INCENP: variants seen among roughly 807,000 people sequenced by gnomAD.
INCENP encodes inner centromere protein, also known as binds and activates aurora-B and -C in vivo and in vitro.
INCENP carries 43 observed loss-of-function variants against 107.3 expected under a neutral mutation model. The ratio of observed to expected loss-of-function variants is 0.40; its 90% CI spans 0.31 to 0.52. The LOEUF (loss-of-function observed/expected upper bound fraction) is 0.52, where lower values mean the gene tolerates loss of function less well. Among genes scored for constraint, INCENP ranks in the 20% least tolerant of loss-of-function variants. The pLI is 0.53. For missense variants in INCENP, 1,089 were observed against 1,250.9 expected, an observed-to-expected ratio of 0.87 and a Z score of 1.95; for synonymous variants, 488 against 494.4, an observed-to-expected ratio of 0.99 and a Z score of 0.17.
chr11:62,132,860 A>T (rs960524514), intron 4 of INCENP, among the ~76,000 whole-genome samples: 1 of 150,238 alleles, frequency 6.7e-6, no homozygotes, highest in African/African-American at 2.5e-5. Flanking sequence ...AGTCACACAG[A>T]CCCTGGGTGA....
In INCENP at chr11:62,145,166, C is replaced by T; in HGVS notation, c.1716-3C>T. On this transcript the variant is annotated splice_region_variant and splice_polypyrimidine_tract_variant and intron_variant, in intron 12 of 18. Coordinates refer to ENST00000394818, the MANE Select transcript of INCENP (RefSeq NM_001040694.2). ...CTCCCCATGACTATCCTATGCCCCGCAGGAAGCGTGAGGAACGCCTCCGCA... is the reference window on the plus strand; with the variant it reads ...CTCCCCATGACTATCCTATGCCCCGTAGGAAGCGTGAGGAACGCCTCCGCA... 6.2e-7 allele frequency: 1 copy of T among 1,614,168 alleles called. No homozygotes were observed. Among genetic ancestry groups the T allele is most frequent in the Non-Finnish European group, 8.5e-7 (1 of 1,180,036 alleles).
intron 4 of INCENP, among the ~76,000 whole-genome samples, chr11:62,132,264 C>T (rs1411653063): frequency 5.3e-5 from 8 of 152,216 alleles, no homozygotes; most frequent in African/African-American, 1.9e-4. Context: ...GTCTGTAAAT[C>T]GGGAAGCTGG....
intron 1 of INCENP, 83 bp from the exon 2 acceptor site, chr11:62,128,068 C>T (rs1943794621): frequency 3.6e-6 from 5 of 1,394,232 alleles, no homozygotes; most frequent in Non-Finnish European, 5.0e-6. Context: ...GGTTGTGGGT[C>T]AGGTGGGTAT....
intron 3 of INCENP, among the ~76,000 whole-genome samples, chr11:62,129,569 G>A (rs531601936): frequency 1.4e-4 from 21 of 152,332 alleles, no homozygotes; most frequent in African/African-American, 5.1e-4. Context: ...GCGGACTGTG[G>A]CATGATCCCC....
In INCENP at chr11:62,137,892, A is replaced by G. The variant is rs763397538; in HGVS notation, c.1115+9A>G. 3.4e-5 allele frequency: 55 copies of G among 1,613,248 alleles called. No homozygotes were observed. Among genetic ancestry groups the G allele is most frequent in the Non-Finnish European group, 7.6e-6 (9 of 1,179,314 alleles). ...GTGCCCCAGAAAGTTGGGTGAGTTCAGTTCCAGGGCTTCGGAGGTAGGCAG... is the reference window on the plus strand; with the variant it reads ...GTGCCCCAGAAAGTTGGGTGAGTTCGGTTCCAGGGCTTCGGAGGTAGGCAG... On this transcript the variant is annotated intron_variant, in intron 5 of 18. Coordinates refer to ENST00000394818, the MANE Select transcript of INCENP (RefSeq NM_001040694.2).
intron 11 of INCENP, among the ~76,000 whole-genome samples, chr11:62,142,077 G>C (rs1944136849): frequency 6.6e-6 from 1 of 152,216 alleles, no homozygotes; most frequent in African/African-American, 2.4e-5. Flanking sequence ...CCTCAGAGCT[G>C]AGCCGAGCCA....
Position 62,141,393 on chromosome 11 carries a change from G to A in INCENP, c.1594-107G>A, listed in dbSNP as rs959084977. The stretch of plus-strand genomic sequence containing the variant: ...GCGGTGGGGGTGCTGCTGGCAGGAG[G>A]GCAGGCCCCACGCAGGCTTGCTGGC... On this transcript the variant is annotated intron_variant, in intron 10 of 18. Coordinates refer to ENST00000394818, the MANE Select transcript of INCENP (RefSeq NM_001040694.2). 40 of 1,429,898 alleles carry A rather than the reference G, an allele frequency of 2.8e-5. No individual in the cohort carries two copies. The African/African-American group carries it at 4.8e-4, about 17-fold the overall frequency. The allele number at this position is 1,429,898 out of a possible 1,614,324, so 88.6% of individuals were successfully genotyped here.
In INCENP at chr11:62,151,765, C is replaced by G; in HGVS notation, c.2546C>G (p.Thr849Ser). 1.2e-6 allele frequency: 2 copies of G among 1,613,906 alleles called. No homozygotes were observed. The highest frequency in any genetic ancestry group is 1.7e-6 in the Non-Finnish European group (2 of 1,179,950). ...TCTGGTCTGTGGTCTCCTGCAGGCA[C>G]CCCGCTCAGCCAGGCTATCATTCAC... The part of the protein sequence containing the change: ...RKPIPTWARG[T>S]PLSQAIIHQY... The change falls in exon 19 of 19, where the codon ACC becomes AGC. Residue 849 changes from threonine to serine, a missense_variant. By Grantham distance (58) the Thr-to-Ser change is moderately conservative (BLOSUM62 1). Coordinates refer to ENST00000394818, the MANE Select transcript of INCENP (RefSeq NM_001040694.2).
intron 4 of INCENP, among the ~76,000 whole-genome samples, chr11:62,136,954 G>A (rs898093530): frequency 3.9e-5 from 6 of 152,314 alleles, no homozygotes; most frequent in African/African-American, 1.2e-4. Flanking sequence ...TCTCAAGGAC[G>A]TCCAAGGGTC....
rs749372585 is a variant in INCENP at position 62,146,822 on chromosome 11, GGAGCAGGAGCGGCGC to G, written c.2136_2150del (p.Arg713_Arg717del). The G allele has an allele frequency of 3.8e-4, 579 of 1,526,328 alleles. 1 individual carries two copies. The African/African-American group carries it at 6.9e-3, about 18-fold the overall frequency. 94.5% of individuals were successfully genotyped at this position (1,526,328 alleles called of 1,614,324 possible). On this transcript the variant is annotated inframe_deletion, in exon 15 of 19. Coordinates refer to ENST00000394818, the MANE Select transcript of INCENP (RefSeq NM_001040694.2). The stretch of plus-strand genomic sequence containing the variant: ...AGGAGCGGCGCGAGCAGGAGCGGCG[GGAGCAGGAGCGGCGC>G]GAGCAGGAGCGACAGCTGGCAGAGC...
chr11:62,143,765 C>T (rs564233733), intron 11 of INCENP, among the ~76,000 whole-genome samples: 2 of 152,348 alleles, frequency 1.3e-5, no homozygotes, highest in South Asian at 4.1e-4. Flanking sequence ...CTATTGGACA[C>T]TGTGCCTAAA....
chr11:62,128,441 T>C, intron 2 of INCENP, 140 bp downstream of exon 2: 1 of 885,038 alleles, frequency 1.1e-6, no homozygotes, highest in Non-Finnish European at 1.8e-6. Flanking sequence ...ATACTGTGTG[T>C]GCAGTGTGCT....
chr11:62,146,596 C>T, intron 14 of INCENP, 62 bp from the exon 15 acceptor site: 1 of 1,541,720 alleles, frequency 6.5e-7, no homozygotes, highest in Non-Finnish European at 8.7e-7. Flanking sequence ...GGGAGTAGGG[C>T]TGCTGTCCTG....
intron 1 of INCENP, among the ~76,000 whole-genome samples, chr11:62,125,369 G>A (rs1943726612): frequency 6.6e-6 from 1 of 152,228 alleles, no homozygotes; most frequent in African/African-American, 2.4e-5. Flanking sequence ...TAAAAAGTTA[G>A]CCAGTTGTTG....
At chr11:62,138,650 C>A in intron 5 of INCENP, 63 bp from the exon 6 acceptor site, 1 of 1,521,532 alleles carries the variant, frequency 6.6e-7, no homozygotes. Flanking sequence ...GGTAGAGGGA[C>A]TCCCTAGGGG....
chr11:62,151,711 G>A (rs1337178200), intron 18 of INCENP, 51 bp from the exon 19 acceptor site: 2 of 1,491,544 alleles, frequency 1.3e-6, no homozygotes, highest in Admixed American at 3.4e-5. Context: ...CAAGGGATGG[G>A]GAGGTTCATG....
chr11:62,149,083 C>G lies in INCENP; in HGVS notation c.2391+237C>G, dbSNP rs3018376. Among the ~76,000 whole-genome samples, 3,317 of 152,084 alleles carry G rather than the reference C, an allele frequency of 0.022. 127 individuals are homozygous for G. The highest frequency in any genetic ancestry group is 0.076 in the African/African-American group (3,135 of 41,452). On this transcript the variant is annotated intron_variant, in intron 17 of 18. Transcript: ENST00000394818. ...AGTATACAGTTTTAAAAAAAGGGAC[C>G]CTCAGGAAAACTCTACTAAGCGCGT... is the stretch of plus-strand genomic sequence containing the variant.
Position 62,134,534 on chromosome 11 carries a change from G to T in INCENP, c.1064-3298G>T, listed in dbSNP as rs997026520. ...TTATATGAATATTTAGTACTTTAAA[G>T]ATTTAAAAATATTGTTTAATATTTT... On this transcript the variant is annotated intron_variant, in intron 4 of 18. Transcript: ENST00000394818. Among the ~76,000 whole-genome samples the T allele has an allele frequency of 3.3e-5, 5 of 151,534 alleles. No individual in the cohort carries two copies. In the South Asian group the frequency reaches 1.0e-3, roughly 32 times the overall value.
chr11:62,131,482 A>G, intron 4 of INCENP, among the ~76,000 whole-genome samples: 1 of 152,118 alleles, frequency 6.6e-6, no homozygotes, highest in Non-Finnish European at 1.5e-5. Context: ...GGTGAATCTG[A>G]GCTGGGAGGG....
Sources: gnomAD v4.1 joint callset for allele counts (sites outside exome capture counted in the v4.1 genomes callset) on GRCh38, gnomAD v4.1.1 for gene constraint, MANE v1.5 for transcripts, NCBI Gene and HGNC (gene_info 2026-07-23, HGNC 2026-07-21) for gene names.